DNTT: variants seen among roughly 807,000 people sequenced by gnomAD.
The protein encoded by DNTT is DNA nucleotidylexotransferase, also known as nucleosidetriphosphate:DNA deoxynucleotidylexotransferase.
DNTT carries 47 observed loss-of-function variants against 60.9 expected under a neutral mutation model. The ratio of observed to expected loss-of-function variants is 0.77; its 90% confidence interval spans 0.61 to 0.98. The LOEUF (loss-of-function observed/expected upper bound fraction) is 0.98, where lower values mean the gene tolerates loss of function less well. Ranked by LOEUF, DNTT falls within the 50% of genes least tolerant of loss-of-function variation. The pLI, the probability that DNTT is intolerant of heterozygous loss-of-function variation, is 0.00. For synonymous variants in DNTT, 224 were observed against 221.2 expected, an observed-to-expected ratio of 1.01 and a Z score of -0.11; for missense variants, 665 against 627.5, an observed-to-expected ratio of 1.06 and a Z score of -0.64.
chr10:96,314,881 T>C (rs1002065557), intron 1 of DNTT, among the ~76,000 whole-genome samples: 2 of 152,110 alleles, frequency 1.3e-5, no homozygotes, highest in Non-Finnish European at 2.9e-5. Flanking sequence ...AAAACCACTG[T>C]ACCAGCAAAT....
At chr10:96,325,814 T>G (rs1026861682) in intron 6 of DNTT, among the ~76,000 whole-genome samples, 1 of 152,260 alleles carries the variant, frequency 6.6e-6, no homozygotes, top group Admixed American at 6.5e-5. Flanking sequence ...AAGGGTAAGC[T>G]AATTGAACAT....
intron 1 of DNTT, among the ~76,000 whole-genome samples, chr10:96,311,580 G>T (rs188217663): frequency 1.3e-5 from 2 of 152,316 alleles, no homozygotes; most frequent in African/African-American, 4.8e-5. Context: ...CCACAGTCAC[G>T]ATTCTTGTAA....
intron 5 of DNTT, 99 bp from the exon 6 acceptor site, chr10:96,324,167 A>G (rs1844911542): frequency 2.1e-6 from 3 of 1,428,498 alleles, no homozygotes; most frequent in Non-Finnish European, 2.8e-6. Context: ...AGATTTGCTT[A>G]TACTTTTTCT....
At chr10:96,337,709 T>C (rs948032910) in intron 10 of DNTT, among the ~76,000 whole-genome samples, 2 of 152,166 alleles carry the variant, frequency 1.3e-5, no homozygotes, top group Non-Finnish European at 2.9e-5. Flanking sequence ...TATCCTATAA[T>C]TACCAGCAGT....
intron 9 of DNTT, among the ~76,000 whole-genome samples, chr10:96,334,508 T>A (rs996572116): frequency 1.3e-5 from 2 of 152,182 alleles, no homozygotes; most frequent in African/African-American, 4.8e-5. Flanking sequence ...TTGCTTTGAG[T>A]GAAATGGGTT....
chr10:96,306,138 G>A (rs936726907), intron 1 of DNTT, among the ~76,000 whole-genome samples: 15 of 149,638 alleles, frequency 1.0e-4, no homozygotes, highest in African/African-American at 3.7e-4. Context: ...CTGTTGCCCG[G>A]GTTGGAGTGC....
intron 8 of DNTT, among the ~76,000 whole-genome samples, chr10:96,329,237 G>C (rs1844976334): frequency 6.6e-6 from 1 of 152,258 alleles, no homozygotes; most frequent in African/African-American, 2.4e-5. Context: ...GGTGTTGATA[G>C]TGCCTCGATA....
chr10:96,307,498 G>A (rs1844653820), intron 1 of DNTT, among the ~76,000 whole-genome samples: 1 of 150,126 alleles, frequency 6.7e-6, no homozygotes, highest in African/African-American at 2.4e-5. Flanking sequence ...GGGACTACAG[G>A]CACGCGTCAG....
chr10:96,327,367 T>A (rs1040283975), intron 6 of DNTT, 101 bp from the exon 7 acceptor site: 1 of 1,546,434 alleles, frequency 6.5e-7, no homozygotes, highest in Admixed American at 1.7e-5. Flanking sequence ...ATGCCTGTAG[T>A]CATGTTAGCT....
At chr10:96,335,788 GA>G in intron 9 of DNTT, 102 bp from the exon 10 acceptor site, 1 of 1,335,484 alleles carries the variant, frequency 7.5e-7, no homozygotes, top group South Asian at 1.2e-5. Context: ...ATCACTTTGA[GA>G]ATGTTTAGTG....
intron 8 of DNTT, among the ~76,000 whole-genome samples, chr10:96,332,121 T>A (rs143151563): frequency 3.3e-4 from 50 of 152,350 alleles, no homozygotes; most frequent in African/African-American, 1.2e-3. Context: ...TGCCATTAAG[T>A]GGCTTTGCTT....
At chr10:96,325,500 A>AT in intron 6 of DNTT, among the ~76,000 whole-genome samples, 1 of 152,354 alleles carries the variant, frequency 6.6e-6, no homozygotes, top group South Asian at 2.1e-4. Flanking sequence ...ATAGTGTTTC[A>AT]TTTGGATGAA....
intron 6 of DNTT, among the ~76,000 whole-genome samples, chr10:96,325,600 G>A (rs922023245): frequency 6.6e-6 from 1 of 152,170 alleles, no homozygotes; most frequent in Non-Finnish European, 1.5e-5. Flanking sequence ...TTCCTGTTGA[G>A]CTTTTCCAAC....
chr10:96,319,471 T>C, intron 3 of DNTT, 81 bp downstream of exon 3: 2 of 1,583,326 alleles, frequency 1.3e-6, no homozygotes, highest in Non-Finnish European at 1.7e-6. Context: ...AAATTATAAA[T>C]TTTTCTGAAA....
intron 1 of DNTT, among the ~76,000 whole-genome samples, chr10:96,310,964 T>C (rs193247633): frequency 8.3e-4 from 127 of 152,342 alleles, no homozygotes; most frequent in Non-Finnish European, 1.6e-3. Context: ...CCAAATTACT[T>C]TGTATTTCAA....
At chr10:96,313,790 T>A (rs1354919756) in intron 1 of DNTT, among the ~76,000 whole-genome samples, 3 of 152,234 alleles carry the variant, frequency 2.0e-5, no homozygotes, top group Non-Finnish European at 4.4e-5. Context: ...AGCATTCTAA[T>A]GTCCCCATCA....
At chr10:96,336,939 G>GAAAAA (rs1223826665) in intron 10 of DNTT, among the ~76,000 whole-genome samples, 2 of 68,282 alleles carry the variant, frequency 2.9e-5, no homozygotes, top group Non-Finnish European at 3.9e-5. Flanking sequence ...CTCTGTGTCA[G>GAAAAA]GAAAAAAAAA....
In DNTT at chr10:96,314,536, C is replaced by T. The variant is rs1844762673; in HGVS notation, c.204-3816C>T. ...CAAGTGATTCTTCTGCCTCAGCCTC[C>T]CGAGTAGCTGGGACTACAGGCGCGT... On this transcript the variant is annotated intron_variant, in intron 1 of 10. Coordinates refer to ENST00000371174, the MANE Select transcript of DNTT (RefSeq NM_004088.4). 3.3e-5 allele frequency among the ~76,000 whole-genome samples: 5 copies of T among 150,714 alleles called. No individual in the cohort carries two copies. The Admixed American group carries it at 3.3e-4, about 10-fold the overall frequency.
intron 1 of DNTT, among the ~76,000 whole-genome samples, chr10:96,315,628 G>A (rs1187257351): frequency 6.6e-6 from 1 of 151,982 alleles, no homozygotes; most frequent in East Asian, 1.9e-4. Context: ...GAGGCAGTAG[G>A]GGGAGTGGTA....
Sources: allele counts gnomAD v4.1 joint callset (sites outside exome capture counted in the v4.1 genomes callset), GRCh38; gene constraint gnomAD v4.1.1; transcripts MANE v1.5; gene names NCBI Gene and HGNC (gene_info 2026-07-23, HGNC 2026-07-21).